ACMSD: variants seen among roughly 807,000 people sequenced by gnomAD.
ACMSD encodes 2-amino-3-carboxymuconate-6-semialdehyde decarboxylase.
ACMSD carries 37 observed loss-of-function variants against 45.9 expected under a neutral mutation model. That is an observed-to-expected ratio of 0.81 (90% CI 0.62 to 1.06). The LOEUF (loss-of-function observed/expected upper bound fraction) is 1.06, where lower values mean the gene tolerates loss of function less well. ACMSD is among the 50% of genes least tolerant of loss of function. The pLI is 0.00. For synonymous variants in ACMSD, 138 were observed against 148.8 expected (o/e 0.93, Z 0.53); for missense variants, 434 against 420.9 (o/e 1.03, Z -0.27).
intron 3 of ACMSD, 90 bp from the exon 4 acceptor site, chr2:134,861,879 G>A: frequency 7.1e-7 from 1 of 1,408,788 alleles, no homozygotes; most frequent in Non-Finnish European, 1.0e-6. Context: ...AGTTTAGGGT[G>A]GAGGCTTGCT....
intron 8 of ACMSD, among the ~76,000 whole-genome samples, chr2:134,886,821 CA>C (rs1388183292): frequency 2.6e-5 from 4 of 152,034 alleles, no homozygotes; most frequent in Admixed American, 2.6e-4. Flanking sequence ...GATGACATGA[CA>C]TAATTGTTTA....
intron 8 of ACMSD, among the ~76,000 whole-genome samples, chr2:134,887,111 A>G (rs937147999): frequency 2.0e-5 from 3 of 152,222 alleles, no homozygotes; most frequent in Admixed American, 6.5e-5. Flanking sequence ...GGAAAGTTCT[A>G]TCATGTTTAT....
intron 6 of ACMSD, among the ~76,000 whole-genome samples, chr2:134,867,981 A>C (rs1206564679): frequency 6.6e-6 from 1 of 152,184 alleles, no homozygotes; most frequent in Non-Finnish European, 1.5e-5. Context: ...TGTCCAGGTC[A>C]CACAGTTAAT....
chr2:134,840,781 A>G (rs994189122), intron 1 of ACMSD, among the ~76,000 whole-genome samples: 1 of 151,942 alleles, frequency 6.6e-6, no homozygotes, highest in African/African-American at 2.4e-5. Context: ...TTTTATTTCC[A>G]TAGGCTATTG....
chr2:134,859,394 G>A (rs1687742875), intron 3 of ACMSD, 37 bp downstream of exon 3: 16 of 1,592,794 alleles, frequency 1.0e-5, no homozygotes, highest in Non-Finnish European at 1.3e-5. Flanking sequence ...AGCATCTGAT[G>A]TAAAAGCAAT....
chr2:134,874,494 A>G, intron 8 of ACMSD, among the ~76,000 whole-genome samples: 1 of 152,220 alleles, frequency 6.6e-6, no homozygotes, highest in East Asian at 1.9e-4. Flanking sequence ...CATCTGGGCT[A>G]GAGAGCAACC....
intron 8 of ACMSD, among the ~76,000 whole-genome samples, chr2:134,893,034 C>T (rs1188736172): frequency 6.6e-6 from 1 of 152,092 alleles, no homozygotes; most frequent in East Asian, 1.9e-4. Context: ...GCATTTTTCA[C>T]CACCCATTTA....
chr2:134,850,830 T>C (rs1451448920), intron 2 of ACMSD, among the ~76,000 whole-genome samples: 1 of 152,178 alleles, frequency 6.6e-6, no homozygotes, highest in Non-Finnish European at 1.5e-5. Context: ...CAGGTGCAGG[T>C]TTGTTACCTG....
intron 6 of ACMSD, 121 bp from the exon 7 acceptor site, chr2:134,870,844 C>CTA: frequency 2.6e-6 from 2 of 763,408 alleles, no homozygotes; most frequent in Non-Finnish European, 4.3e-6. Context: ...TACAGCCAAA[C>CTA]TATGCCAGGG....
At chr2:134,848,326 C>T (rs904478923) in intron 2 of ACMSD, among the ~76,000 whole-genome samples, 10 of 152,216 alleles carry the variant, frequency 6.6e-5, no homozygotes, top group Non-Finnish European at 1.5e-4. Context: ...AATGGTATTT[C>T]TGGTTCTAGA....
At chr2:134,844,785 T>A (rs1202047877) in intron 1 of ACMSD, among the ~76,000 whole-genome samples, 4 of 152,152 alleles carry the variant, frequency 2.6e-5, no homozygotes. Context: ...CATACATGAT[T>A]TCCTGTTTTA....
chr2:134,846,599 G>A (rs1280684697), intron 2 of ACMSD, among the ~76,000 whole-genome samples: 2 of 151,966 alleles, frequency 1.3e-5, no homozygotes, highest in Non-Finnish European at 2.9e-5. Flanking sequence ...TAGACAGGGG[G>A]TCTCACTATG....
At chr2:134,840,260 T>C (rs972895232) in intron 1 of ACMSD, among the ~76,000 whole-genome samples, 4 of 146,884 alleles carry the variant, frequency 2.7e-5, no homozygotes, top group African/African-American at 1.0e-4. Flanking sequence ...ATGAAATGCT[T>C]TGGAAACCAC....
In ACMSD at chr2:134,843,680, G is replaced by A. The variant is rs552570486; in HGVS notation, c.58-1553G>A. The stretch of plus-strand genomic sequence containing the variant: ...AGTTGATGTTCAGTTTGCTTTACTC[G>A]TTGACCCATCACCGCTGACCAACTC... On this transcript the variant is annotated intron_variant, in intron 1 of 9. Transcript: ENST00000356140. Among the ~76,000 whole-genome samples the A allele has an allele frequency of 3.3e-5, 5 of 152,248 alleles. No individual in the cohort carries two copies. In the East Asian group the frequency reaches 7.7e-4, roughly 24 times the overall value.
chr2:134,901,771 CT>C (rs752773210), intron 9 of ACMSD, 26 bp from the exon 10 acceptor site: 31 of 1,570,302 alleles, frequency 2.0e-5, no homozygotes, highest in Non-Finnish European at 2.1e-5. Context: ...ACCAATAATG[CT>C]TTAAAATATT....
chr2:134,844,078 A>G (rs1686939589), intron 1 of ACMSD, among the ~76,000 whole-genome samples: 1 of 152,242 alleles, frequency 6.6e-6, no homozygotes. Flanking sequence ...ATGGGACTCC[A>G]TGAAAGCGTG....
chr2:134,842,753 A>C (rs114925623), intron 1 of ACMSD, among the ~76,000 whole-genome samples: 1 of 151,824 alleles, frequency 6.6e-6, no homozygotes, highest in African/African-American at 2.4e-5. Context: ...TGTCCCCACC[A>C]CTCCTCTTAG....
intron 8 of ACMSD, chr2:134,872,887 A>T (rs1404150522): frequency 4.4e-6 from 2 of 450,500 alleles, no homozygotes; most frequent in Non-Finnish European, 8.1e-6. Context: ...GATCATCTAC[A>T]TGGCTGGGTA....
intron 8 of ACMSD, 129 bp downstream of exon 8, chr2:134,872,770 G>C (rs541739476): frequency 1.3e-5 from 15 of 1,144,298 alleles, no homozygotes; most frequent in Admixed American, 4.2e-5. Flanking sequence ...GAGAGAGACA[G>C]TGAGGTTTGG....
Sources: gnomAD v4.1 joint callset for allele counts (sites outside exome capture counted in the v4.1 genomes callset) on GRCh38, gnomAD v4.1.1 for gene constraint, MANE v1.5 for transcripts, NCBI Gene and HGNC (gene_info 2026-07-23, HGNC 2026-07-21) for gene names.